HSF1: variants seen among roughly 807,000 people sequenced by gnomAD.
The protein encoded by HSF1 is heat shock transcription factor 1.
In HSF1, 32 loss-of-function variants were observed where a neutral mutation model predicts 51.7. The observed-to-expected ratio is 0.62, with a 90% CI of 0.47 to 0.83. The LOEUF is 0.83. Among genes scored for constraint, HSF1 ranks in the 40% least tolerant of loss-of-function variants. The pLI, the probability that HSF1 is intolerant of heterozygous loss-of-function variation, is 0.00. For synonymous variants in HSF1, 396 were observed against 309.7 expected (o/e 1.28, Z -2.92); for missense variants, 727 against 717.0 (o/e 1.01, Z -0.16).
At chr8:144,306,186 G>A (rs1263331795) in intron 1 of HSF1, among the ~76,000 whole-genome samples, 2 of 151,586 alleles carry the variant, frequency 1.3e-5, no homozygotes, top group South Asian at 2.1e-4. Flanking sequence ...TTAGTTGTTT[G>A]AACATATTTG....
chr8:144,292,803 A>C (rs1167606540), intron 1 of HSF1, among the ~76,000 whole-genome samples: 1 of 152,192 alleles, frequency 6.6e-6, no homozygotes, highest in African/African-American at 2.4e-5. Flanking sequence ...TCTACTAAAA[A>C]TACAAAAAAT....
Position 144,311,565 on chromosome 8 carries a change from C to T in HSF1, c.687C>T (p.Phe229=), listed in dbSNP as rs782547491. 5 of 1,613,614 alleles carry T rather than the reference C, an allele frequency of 3.1e-6. No homozygotes were observed. The highest frequency in any genetic ancestry group is 4.2e-6 in the Non-Finnish European group (5 of 1,179,986). ...AHSMPKYSRQ[F]SLEHVHGSGP... ...CCATGCCCAAGTATAGCCGGCAGTT[C>T]TCCCTGGAGCACGTCCACGGCTCGG... The change falls in exon 7 of 13, where the codon TTC becomes TTT. Residue 229 remains phenylalanine, a synonymous_variant. Coordinates refer to ENST00000528838, the MANE Select transcript of HSF1 (RefSeq NM_005526.4).
At position 144,297,962 on chromosome 8, in the gene HSF1, T is replaced by C. The variant is rs1176212921; in HGVS notation, c.117+6088T>C. Reference sequence around the variant, plus strand: ...AGGTCCTTCACAGTGCTGCAGAAAATGAGGCCACAGGCTCCAAGTTTACTG... The same window carrying C: ...AGGTCCTTCACAGTGCTGCAGAAAACGAGGCCACAGGCTCCAAGTTTACTG... On this transcript the variant is annotated intron_variant, in intron 1 of 12. Coordinates refer to ENST00000528838, the MANE Select transcript of HSF1 (RefSeq NM_005526.4). The surrounding 1 kb of genome is among the most constrained non-coding windows in gnomAD (Gnocchi z 4.6). Among the ~76,000 whole-genome samples the C allele has an allele frequency of 3.9e-5, 6 of 152,172 alleles. No homozygotes were observed. Among genetic ancestry groups the C allele is most frequent in the African/African-American group, 9.7e-5 (4 of 41,446 alleles).
At chr8:144,298,804 A>G (rs782747249) in intron 1 of HSF1, among the ~76,000 whole-genome samples, 1 of 152,222 alleles carries the variant, frequency 6.6e-6, no homozygotes, top group African/African-American at 2.4e-5. Context: ...GAGCTCCAGC[A>G]ATCTGCGCGT....
At chr8:144,306,240 A>G (rs1460428804) in intron 1 of HSF1, among the ~76,000 whole-genome samples, 4 of 147,084 alleles carry the variant, frequency 2.7e-5, no homozygotes, top group African/African-American at 7.5e-5. Context: ...CCAGTGTCCA[A>G]TGTTTTGGCT....
In HSF1 at chr8:144,291,796, C is replaced by G; in HGVS notation, c.39C>G (p.Ser13Arg). The change falls in exon 1 of 13, where the codon AGC (serine) becomes AGG (arginine). Residue 13 changes from serine (S) to arginine (R), a missense_variant. Transcript: ENST00000528838. This position sits in a 1 kb window ranked among gnomAD's most constrained non-coding sequence, Gnocchi z 4.1. ...LPVGPGAAGP[S>R]NVPAFLTKLW... ...TGGGCCCCGGCGCGGCGGGGCCCAG[C>G]AACGTCCCGGCCTTCCTGACCAAGC... The G allele has an allele frequency of 5.8e-6, 9 of 1,547,828 alleles. No individual in the cohort carries two copies. The highest frequency in any genetic ancestry group is 6.9e-6 in the Non-Finnish European group (8 of 1,151,850).
chr8:144,295,659 TC>T (rs1355722779), intron 1 of HSF1, among the ~76,000 whole-genome samples: 1 of 151,650 alleles, frequency 6.6e-6, no homozygotes, highest in Non-Finnish European at 1.5e-5. Context: ...GCTCAAGTGA[TC>T]CAGTCACCTC....
chr8:144,314,455 A>G lies in HSF1; in HGVS notation c.*125A>G, dbSNP rs1336637565. The stretch of plus-strand genomic sequence containing the variant: ...CGGCCGCCATAGCCCCAGTAGGACA[A>G]ACGGGCTCGGGTCTGGGCAGCACCT... On this transcript the variant is annotated 3_prime_UTR_variant, in exon 13 of 13. Coordinates refer to ENST00000528838, the MANE Select transcript of HSF1 (RefSeq NM_005526.4). The G allele has an allele frequency of 3.8e-6, 3 of 783,754 alleles. No homozygotes were observed. The highest frequency in any genetic ancestry group is 2.7e-5 in the East Asian group (1 of 37,000). 48.5% of individuals were successfully genotyped at this position (783,754 alleles called of 1,614,324 possible).
rs1344004470 is a variant in HSF1, at chr8:144,314,530, G to A, written c.*200G>A. ...TGCCAGTCTGCCTTCCCCCAACCCC[G>A]TGTCCTGTGGTTTGGTTGGGGCTTC... On this transcript the variant is annotated 3_prime_UTR_variant, in exon 13 of 13. Coordinates refer to ENST00000528838, the MANE Select transcript of HSF1 (RefSeq NM_005526.4). 10 of 598,044 alleles carry A rather than the reference G, an allele frequency of 1.7e-5. No homozygotes were observed. The highest frequency in any genetic ancestry group is 2.8e-5 in the East Asian group (1 of 36,002). The allele number at this position is 598,044 out of a possible 1,614,324, so 37.0% of individuals were successfully genotyped here.
Position 144,314,254 on chromosome 8 carries a change from G to C in HSF1, c.1514G>C (p.Gly505Ala), listed in dbSNP as rs1817068672. The change falls in exon 13 of 13, where the codon GGC becomes GCC. Residue 505 changes from glycine to alanine, a missense_variant. By Grantham distance (60) the Gly-to-Ala change is moderately conservative. Transcript: ENST00000528838. ...GEGSYFSEGD[G>A]FAEDPTISLL... is the part of the protein sequence containing the mutation. ...GGCTCCTACTTCTCCGAAGGGGACG[G>C]CTTCGCCGAGGACCCCACCATCTCC... 1.9e-6 allele frequency: 3 copies of C among 1,550,610 alleles called. No homozygotes were observed. The highest frequency in any genetic ancestry group is 2.6e-6 in the Non-Finnish European group (3 of 1,147,082).
intron 1 of HSF1, among the ~76,000 whole-genome samples, chr8:144,299,392 G>T (rs1014318074): frequency 6.7e-6 from 1 of 150,222 alleles, no homozygotes; most frequent in Non-Finnish European, 1.5e-5. Flanking sequence ...AGCCGAGATC[G>T]CATCACTGCA....
rs1023800353 is a variant in HSF1 at position 144,312,141 on chromosome 8, G to C, written c.1039G>C (p.Ala347Pro). The C allele has an allele frequency of 1.2e-6, 2 of 1,611,674 alleles. No homozygotes were observed. The highest frequency in any genetic ancestry group is 2.7e-5 in the African/African-American group (2 of 74,874). The part of the protein sequence containing the change: ...ESEPAPASVT[A>P]LTDARGHTDT... ...TGAACCTGCCCCCGCCTCCGTCACAGCCCTCACGGACGCCAGGGGCCACAC... is the reference window on the plus strand; with the variant it reads ...TGAACCTGCCCCCGCCTCCGTCACACCCCTCACGGACGCCAGGGGCCACAC... The change falls in exon 9 of 13, where the codon GCC becomes CCC. Residue 347 changes from alanine to proline, a missense_variant. This residue lies in a region of HSF1 where 470 missense variants were observed against 398.8 expected (regional missense o/e 1.18). Transcript: ENST00000528838.
chr8:144,312,811 C>T (rs34053540), intron 9 of HSF1: 42,775 of 1,096,538 alleles, frequency 0.039, 989 homozygotes, highest in Non-Finnish European at 0.049. Context: ...GCATGAGCGT[C>T]GGGCCTGGGC....
intron 1 of HSF1, among the ~76,000 whole-genome samples, chr8:144,308,198 G>T (rs1816347682): frequency 6.6e-6 from 1 of 152,172 alleles, no homozygotes; most frequent in South Asian, 2.1e-4. Context: ...CCCTGCTTCA[G>T]GCCCCCCTTC....
intron 2 of HSF1, 131 bp from the exon 3 acceptor site, chr8:144,309,324 T>C: frequency 7.6e-7 from 1 of 1,315,614 alleles, no homozygotes; most frequent in Non-Finnish European, 1.1e-6. Context: ...CACCCAGGCA[T>C]GGGCTCTGAG....
At position 144,311,946 on chromosome 8, in the gene HSF1, G is replaced by C. The variant is rs1554844745; in HGVS notation, c.861-17G>C. On this transcript the variant is annotated splice_polypyrimidine_tract_variant and intron_variant, in intron 8 of 12. Coordinates refer to ENST00000528838, the MANE Select transcript of HSF1 (RefSeq NM_005526.4). ...GCTGGCCGAGACGCCAGCTCACCTGGCCCCCCTCGTGTGCAGGCCCCTATC... is the reference window on the plus strand; with the variant it reads ...GCTGGCCGAGACGCCAGCTCACCTGCCCCCCCTCGTGTGCAGGCCCCTATC... The C allele has an allele frequency of 6.3e-7, 1 of 1,580,078 alleles. No homozygotes were observed. The highest frequency in any genetic ancestry group is 8.6e-7 in the Non-Finnish European group (1 of 1,163,490).
At position 144,302,152 on chromosome 8, in the gene HSF1, C is replaced by T. The variant is rs139477423; in HGVS notation, c.118-6754C>T. On this transcript the variant is annotated intron_variant, in intron 1 of 12. Coordinates refer to ENST00000528838, the MANE Select transcript of HSF1 (RefSeq NM_005526.4). ...TTGCACTCCAGCCTGGGCGACACAG[C>T]GAGACTCCGTCTCCAAAAAAAAAAA... Among the ~76,000 whole-genome samples the T allele has an allele frequency of 6.3e-3, 944 of 150,848 alleles. 7 individuals carry two copies. The highest frequency in any genetic ancestry group is 9.5e-3 in the Non-Finnish European group (644 of 67,788).
chr8:144,310,108 G>C, intron 4 of HSF1: 1 of 585,818 alleles, frequency 1.7e-6, no homozygotes, highest in Non-Finnish European at 3.0e-6. Context: ...GCAGAAGGGG[G>C]TTGGGAGGGT....
intron 1 of HSF1, among the ~76,000 whole-genome samples, chr8:144,300,443 T>C (rs1299016312): frequency 1.3e-5 from 2 of 152,018 alleles, no homozygotes; most frequent in Admixed American, 1.3e-4. Flanking sequence ...GGTCTCAATC[T>C]CCTGACCTCG....
Sources: gnomAD v4.1 joint callset for allele counts (sites outside exome capture counted in the v4.1 genomes callset) on GRCh38, gnomAD v4.1.1 for gene constraint, gnomAD v4.1.1 regional missense constraint, Gnocchi (gnomAD v3.1) non-coding constraint, MANE v1.5 for transcripts, NCBI Gene and HGNC (gene_info 2026-07-23, HGNC 2026-07-21) for gene names.